NRXN3: variants seen among roughly 807,000 people sequenced by gnomAD.
NRXN3 encodes neurexin 3.
Under a neutral mutation model 137.6 loss-of-function variants are expected in NRXN3, and 32 were observed. The ratio of observed to expected loss-of-function variants is 0.23; its 90% CI spans 0.18 to 0.31. The LOEUF is 0.31. NRXN3 is among the 10% of genes least tolerant of loss of function. The pLI is 1.00. For synonymous variants in NRXN3, 798 were observed against 784.5 expected, an observed-to-expected ratio of 1.02 and a Z score of -0.29; for missense variants, 1,574 against 2,062.5, an observed-to-expected ratio of 0.76 and a Z score of 4.59.
chr14:78,631,933 C>T (rs993863842), intron 4 of NRXN3, among the ~76,000 whole-genome samples: 5 of 151,664 alleles, frequency 3.3e-5, no homozygotes, highest in African/African-American at 1.2e-4. Context: ...TGGTGAAACC[C>T]CGTCTCTGCT....
Position 79,622,122 on chromosome 14 carries a change from C to T in NRXN3, c.3445-41656C>T, listed in dbSNP as rs148153332. Among the ~76,000 whole-genome samples the T allele has an allele frequency of 1.6e-4, 25 of 152,198 alleles. No homozygotes were observed. In the East Asian group the frequency reaches 4.5e-3, roughly 27 times the overall value. On this transcript the variant is annotated intron_variant, in intron 16 of 20. Transcript: ENST00000335750. ...ATACTGTTGGATGATGTCAGAGCAA[C>T]GTGAAAGGATTTTGGGTTATGGTTT...
chr14:79,165,614 A>G (rs1200968098), intron 15 of NRXN3, among the ~76,000 whole-genome samples: 2 of 152,006 alleles, frequency 1.3e-5, no homozygotes, highest in East Asian at 1.9e-4. Flanking sequence ...AGAATACTGC[A>G]TAAGAAATTT....
chr14:79,655,737 C>T (rs1301791880), intron 16 of NRXN3, among the ~76,000 whole-genome samples: 1 of 152,100 alleles, frequency 6.6e-6, no homozygotes, highest in Non-Finnish European at 1.5e-5. Flanking sequence ...GGCCTCGACC[C>T]ACTAGATTCT....
At chr14:79,451,883 A>G (rs1045576266) in intron 15 of NRXN3, among the ~76,000 whole-genome samples, 1 of 152,178 alleles carries the variant, frequency 6.6e-6, no homozygotes, top group African/African-American at 2.4e-5. Context: ...GAAAGGGACT[A>G]AATCCTAGAG....
At position 79,652,066 on chromosome 14, in the gene NRXN3, C is replaced by T. The variant is rs148206717; in HGVS notation, c.3445-11712C>T. Among the ~76,000 whole-genome samples, 478 of 152,252 alleles carry T rather than the reference C, an allele frequency of 3.1e-3. 1 individual carries two copies. The highest frequency in any genetic ancestry group is 0.011 in the African/African-American group (462 of 41,548). ...TGGATTATAGATGACCTCCAGTGGA[C>T]ACAGAGGTGCTTAGATTCTACTGAG... is the stretch of plus-strand genomic sequence containing the variant. On this transcript the variant is annotated intron_variant, in intron 16 of 20. Transcript: ENST00000335750.
chr14:79,826,338 T>G (rs1223023285), intron 20 of NRXN3, among the ~76,000 whole-genome samples: 1 of 152,138 alleles, frequency 6.6e-6, no homozygotes, highest in East Asian at 1.9e-4. Context: ...ACTTTATAGT[T>G]GGAGAAAAGT....
chr14:79,280,425 C>T (rs2081086515), intron 15 of NRXN3: 1 of 1,614,116 alleles, frequency 6.2e-7, no homozygotes, highest in African/African-American at 1.3e-5. Flanking sequence ...TCCTCCTCCA[C>T]CTCTTCCTCG....
chr14:79,277,228 G>A (rs1361221587), intron 15 of NRXN3, among the ~76,000 whole-genome samples: 1 of 152,108 alleles, frequency 6.6e-6, no homozygotes, highest in African/African-American at 2.4e-5. Flanking sequence ...AAGGCCTTGG[G>A]ATGAGAAAAA....
chr14:79,160,366 G>A (rs1315540531), intron 15 of NRXN3, among the ~76,000 whole-genome samples: 1 of 151,902 alleles, frequency 6.6e-6, no homozygotes, highest in Admixed American at 6.6e-5. Context: ...TCCATTCTAT[G>A]TAGTGCCTCT....
At chr14:78,449,396 T>C (rs2094498015) in intron 4 of NRXN3, among the ~76,000 whole-genome samples, 1 of 152,182 alleles carries the variant, frequency 6.6e-6, no homozygotes, top group Non-Finnish European at 1.5e-5. Flanking sequence ...GTATTTTTAG[T>C]AGAGATGGGG....
chr14:79,074,168 A>T (rs2099692082), intron 15 of NRXN3, among the ~76,000 whole-genome samples: 1 of 152,224 alleles, frequency 6.6e-6, no homozygotes, highest in African/African-American at 2.4e-5. Context: ...ATATGGGTCC[A>T]TTCCACATTT....
intron 19 of NRXN3, among the ~76,000 whole-genome samples, chr14:79,769,452 G>A (rs2099068915): frequency 6.6e-6 from 1 of 152,148 alleles, no homozygotes. Flanking sequence ...AGCCAGAAGA[G>A]AGTGGGGGCC....
At chr14:79,675,674 A>T (rs2154004591) in intron 17 of NRXN3, among the ~76,000 whole-genome samples, 1 of 152,228 alleles carries the variant, frequency 6.6e-6, no homozygotes, top group East Asian at 1.9e-4. Flanking sequence ...CAGGATAAAG[A>T]AATAAAGAGA....
chr14:79,639,140 GA>G (rs1047354745), intron 16 of NRXN3, among the ~76,000 whole-genome samples: 9 of 151,396 alleles, frequency 5.9e-5, no homozygotes, highest in Non-Finnish European at 1.2e-4. Flanking sequence ...AGAGATAACA[GA>G]AAAAAAATCC....
intron 15 of NRXN3, among the ~76,000 whole-genome samples, chr14:79,128,106 A>G (rs1160696837): frequency 1.3e-5 from 2 of 149,644 alleles, no homozygotes; most frequent in Non-Finnish European, 3.0e-5. Flanking sequence ...TAGATATACA[A>G]TCATGTCATC....
At chr14:79,523,702 T>C (rs2097092063) in intron 16 of NRXN3, among the ~76,000 whole-genome samples, 1 of 152,230 alleles carries the variant, frequency 6.6e-6, no homozygotes, top group African/African-American at 2.4e-5. Context: ...ATTTGCAACC[T>C]GATTTGGGTA....
intron 4 of NRXN3, among the ~76,000 whole-genome samples, chr14:78,434,535 G>T (rs1003856186): frequency 6.6e-6 from 1 of 152,156 alleles, no homozygotes; most frequent in Non-Finnish European, 1.5e-5. Context: ...TTAGGGGGAT[G>T]CAATTAAACT....
intron 4 of NRXN3, among the ~76,000 whole-genome samples, chr14:78,549,432 C>A (rs1187357914): frequency 1.3e-5 from 2 of 152,160 alleles, no homozygotes; most frequent in Non-Finnish European, 2.9e-5. Flanking sequence ...CTTTCTCGAG[C>A]TCATGCTCCC....
intron 10 of NRXN3, among the ~76,000 whole-genome samples, chr14:78,832,381 T>C (rs2152408240): frequency 6.6e-6 from 1 of 152,332 alleles, no homozygotes; most frequent in Admixed American, 6.5e-5. Context: ...CAGCAATTCA[T>C]GAGAAACAGC....
Sources: allele counts gnomAD v4.1 joint callset (sites outside exome capture counted in the v4.1 genomes callset), GRCh38; gene constraint gnomAD v4.1.1; transcripts MANE v1.5; gene names NCBI Gene and HGNC (gene_info 2026-07-23, HGNC 2026-07-21).